The following ZFP28 variants were observed in gnomAD, a reference collection of about 807,000 sequenced individuals.
The protein encoded by ZFP28 is ZFP28 zinc finger protein.
A neutral mutation model predicts 39.5 loss-of-function variants in ZFP28; 31 were observed. That is an observed-to-expected ratio of 0.79 (90% CI 0.59 to 1.06). The LOEUF (loss-of-function observed/expected upper bound fraction) is 1.06, where lower values mean the gene tolerates loss of function less well. Among genes scored for constraint, ZFP28 ranks in the 50% least tolerant of loss-of-function variants. The pLI, the probability that ZFP28 is intolerant of heterozygous loss-of-function variation, is 0.00. For missense variants in ZFP28, 925 were observed against 1,048.4 expected, an observed-to-expected ratio of 0.88 and a Z score of 1.63; for synonymous variants, 400 against 378.6, an observed-to-expected ratio of 1.06 and a Z score of -0.66.
At chr19:56,549,195 T>C in intron 5 of ZFP28, 74 bp downstream of exon 5, 1 of 1,499,038 alleles carries the variant, frequency 6.7e-7, no homozygotes, top group Non-Finnish European at 9.0e-7. Flanking sequence ...GAAGAGACCA[T>C]GACTACAACA....
chr19:56,541,460 C>T (rs936337353), intron 2 of ZFP28, among the ~76,000 whole-genome samples: 1 of 152,168 alleles, frequency 6.6e-6, no homozygotes, highest in African/African-American at 2.4e-5. Context: ...CCCACAGCCC[C>T]TTCCCGATGA....
intron 2 of ZFP28, 72 bp downstream of exon 2, chr19:56,539,788 T>G (rs2044178886): frequency 1.4e-6 from 2 of 1,430,972 alleles, no homozygotes; most frequent in Admixed American, 1.9e-5. Flanking sequence ...GCTTATTTTC[T>G]TGAAAGTTTT....
chr19:56,553,929 T>C lies in ZFP28; in HGVS notation c.1144T>C (p.Trp382Arg), dbSNP rs139806559. The C allele has an allele frequency of 2.2e-5, 35 of 1,614,094 alleles. No homozygotes were observed. The African/African-American group carries it at 4.3e-4, about 20-fold the overall frequency. ...ACGTACATATAACAAATCTGGAAGA[T>C]GGTTCTATTTGGACGATTCAGAAGA... ...RERTYNKSGRWFYLDDSEEKV... is the reference protein window; with the variant it reads ...RERTYNKSGRRFYLDDSEEKV... The change falls in exon 8 of 8, where the codon TGG (tryptophan) becomes CGG (arginine). Residue 382 changes from tryptophan (W) to arginine (R), a missense_variant. By Grantham distance (101) the Trp-to-Arg change is moderately radical. Around this residue, in one of 2 missense-constraint regions of ZFP28, gnomAD observed 556 missense variants for 542.9 expected, o/e 1.02. Coordinates refer to ENST00000301318, the MANE Select transcript of ZFP28 (RefSeq NM_020828.2).
chr19:56,540,963 C>T (rs926658354), intron 2 of ZFP28, among the ~76,000 whole-genome samples: 1 of 152,040 alleles, frequency 6.6e-6, no homozygotes, highest in Non-Finnish European at 1.5e-5. Flanking sequence ...CTGCTCATGG[C>T]CCTTTCTTTT....
chr19:56,540,032 C>G (rs993299272), intron 2 of ZFP28, among the ~76,000 whole-genome samples: 1 of 152,208 alleles, frequency 6.6e-6, no homozygotes, highest in African/African-American at 2.4e-5. Context: ...GACTCTTCTG[C>G]TATACATGGT....
rs148733510 is a variant in ZFP28, at chr19:56,542,748, C to T, written c.300+3032C>T. Among the ~76,000 whole-genome samples, 1,261 of 148,056 alleles carry T rather than the reference C, an allele frequency of 8.5e-3. 21 individuals carry two copies. The highest frequency in any genetic ancestry group is 0.028 in the African/African-American group (1,140 of 40,516). ...CATTTTTATACCTGAAAATGTGCTT[C>T]GTCCCTGATTTTTTTATTTTGTTTT... On this transcript the variant is annotated intron_variant, in intron 2 of 7. Transcript: ENST00000301318.
rs1233657350 is a variant in ZFP28, at chr19:56,548,941, T to A, written c.524-17T>A. The stretch of plus-strand genomic sequence containing the variant: ...ACACATGATAAAAGATAAATTTACC[T>A]TCTTTACGTCTTTCAGACTTGAAGG... On this transcript the variant is annotated splice_polypyrimidine_tract_variant and intron_variant, in intron 4 of 7. Transcript: ENST00000301318. 1 of 1,594,736 alleles carries A rather than the reference T, an allele frequency of 6.3e-7. No homozygotes were observed. The highest frequency in any genetic ancestry group is 8.5e-7 in the Non-Finnish European group (1 of 1,173,602).
chr19:56,537,350 A>C (rs997994618), upstream of ZFP28, among the ~76,000 whole-genome samples: 11 of 152,152 alleles, frequency 7.2e-5, no homozygotes, highest in Non-Finnish European at 1.6e-4. Flanking sequence ...AGATGACAAA[A>C]GGCCAGAGTT....
At chr19:56,551,501 C>T in intron 7 of ZFP28, 1 of 984,830 alleles carries the variant, frequency 1.0e-6, no homozygotes, top group Non-Finnish European at 1.2e-6. Flanking sequence ...CTTTACATTT[C>T]TTAGTATTAA....
At chr19:56,542,836 G>T (rs894282736) in intron 2 of ZFP28, among the ~76,000 whole-genome samples, 1 of 152,048 alleles carries the variant, frequency 6.6e-6, no homozygotes, top group Non-Finnish European at 1.5e-5. Context: ...CACAGTCATA[G>T]ATAATTGCAG....
chr19:56,551,841 T>A, intron 7 of ZFP28: 1 of 982,906 alleles, frequency 1.0e-6, no homozygotes, highest in Non-Finnish European at 1.2e-6. Context: ...GTGTTAAATA[T>A]TTTCTTAACA....
At position 56,539,219 on chromosome 19, in the gene ZFP28, G is replaced by C. The variant is rs2044170596; in HGVS notation, c.201G>C (p.Gly67=). 6.3e-7 allele frequency: 1 copy of C among 1,594,130 alleles called. No individual in the cohort carries two copies. The highest frequency in any genetic ancestry group is 2.3e-5 in the East Asian group (1 of 44,348). The part of the protein sequence containing the change: ...GQRGAAPTGP[G]HRALPSRDTA... Reference sequence around the variant, plus strand: ...GAGGAGCGGCCCCTACGGGGCCTGGGCACAGAGGTGAGAGTGACAGGTGTT... The same window carrying C: ...GAGGAGCGGCCCCTACGGGGCCTGGCCACAGAGGTGAGAGTGACAGGTGTT... The change falls in exon 1 of 8, where the codon GGG becomes GGC. Residue 67 remains glycine (G), a synonymous_variant. Coordinates refer to ENST00000301318, the MANE Select transcript of ZFP28 (RefSeq NM_020828.2).
intron 2 of ZFP28, among the ~76,000 whole-genome samples, chr19:56,541,562 TC>T (rs2147948207): frequency 6.6e-6 from 1 of 152,206 alleles, no homozygotes; most frequent in East Asian, 1.9e-4. Context: ...CCAAAACTCT[TC>T]CTGTTACTGA....
Position 56,539,759 on chromosome 19 carries a change from C to G in ZFP28, c.300+43C>G, listed in dbSNP as rs1282298419. ...CTCTTGTCTCTGAAATGCAGTCTTG[C>G]TTTTCGGGACTTAATGTTGCTTATT... On this transcript the variant is annotated intron_variant, in intron 2 of 7. Coordinates refer to ENST00000301318, the MANE Select transcript of ZFP28 (RefSeq NM_020828.2). 6 of 1,557,886 alleles carry G rather than the reference C, an allele frequency of 3.9e-6. No homozygotes were observed. In the Admixed American group the frequency reaches 1.0e-4, roughly 26 times the overall value.
At position 56,547,543 on chromosome 19, in the gene ZFP28, C is replaced by T; in HGVS notation, c.336C>T (p.Phe112=). ...LVTFGDVAVD[F]SQEEWEWLNP... ...CATTTGGGGATGTGGCTGTAGATTT[C>T]TCCCAAGAGGAGTGGGAGTGGCTGA... Residue 112 remains phenylalanine, a synonymous_variant, in exon 3 of 8, where the codon TTC becomes TTT. Transcript: ENST00000301318. This position sits in a 1 kb window ranked among gnomAD's most constrained non-coding sequence, Gnocchi z 4.6. The T allele has an allele frequency of 6.2e-7, 1 of 1,614,174 alleles. No individual in the cohort carries two copies.
chr19:56,547,843 T>G lies in ZFP28; in HGVS notation c.464T>G (p.Leu155Trp), dbSNP rs1418320630. Residue 155 changes from leucine (L) to tryptophan (W), a missense_variant, in exon 4 of 8, where the codon TTG (leucine) becomes TGG (tryptophan). By Grantham distance (61) the Leu-to-Trp change is moderately conservative. Coordinates refer to ENST00000301318, the MANE Select transcript of ZFP28 (RefSeq NM_020828.2). The surrounding 1 kb of genome is among the most constrained non-coding windows in gnomAD (Gnocchi z 4.6). ...CVSKPDVISSLEQGKEPWTVK... is the reference protein window; with the variant it reads ...CVSKPDVISSWEQGKEPWTVK... ...TCTAAGCCCGATGTGATCTCCTCGT[T>G]GGAACAAGGAAAAGAGCCTTGGACA... 2 of 1,614,128 alleles carry G rather than the reference T, an allele frequency of 1.2e-6. No homozygotes were observed. The highest frequency in any genetic ancestry group is 1.7e-6 in the Non-Finnish European group (2 of 1,180,030).
intron 7 of ZFP28, among the ~76,000 whole-genome samples, chr19:56,553,418 G>C (rs1417092409): frequency 6.6e-6 from 1 of 152,050 alleles, no homozygotes. Context: ...ATAGGGTCTT[G>C]CTATGTTGTG....
intron 1 of ZFP28, 89 bp downstream of exon 1, chr19:56,539,315 A>G (rs1224175197): frequency 1.5e-6 from 2 of 1,329,954 alleles, no homozygotes; most frequent in Middle Eastern, 2.0e-4. Context: ...CTCGGGGACC[A>G]GTTGCTGGAG....
chr19:56,550,933 C>T, intron 7 of ZFP28: 5 of 1,411,862 alleles, frequency 3.5e-6, no homozygotes, highest in Non-Finnish European at 4.6e-6. Flanking sequence ...GTTAAATGGC[C>T]TATTGTTTTC....
Sources: allele counts gnomAD v4.1 joint callset (sites outside exome capture counted in the v4.1 genomes callset), GRCh38; gene constraint gnomAD v4.1.1; regional missense constraint gnomAD v4.1.1; non-coding constraint Gnocchi (gnomAD v3.1); transcripts MANE v1.5; gene names NCBI Gene and HGNC (gene_info 2026-07-23, HGNC 2026-07-21).